The following DLG2 variants were observed in gnomAD, a reference collection of about 807,000 sequenced individuals.
DLG2 encodes the protein disks large homolog 2.
A neutral mutation model predicts 132.5 loss-of-function variants in DLG2; 45 were observed. The ratio of observed to expected loss-of-function variants is 0.34; its 90% CI spans 0.27 to 0.44. The LOEUF is 0.44. Among genes scored for constraint, DLG2 ranks in the 20% least tolerant of loss-of-function variants. DLG2 has a pLI of 1.00. For synonymous variants in DLG2, 424 were observed against 419.6 expected (o/e 1.01, Z -0.13); for missense variants, 1,045 against 1,196.9 (o/e 0.87, Z 1.87).
intron 8 of DLG2, among the ~76,000 whole-genome samples, chr11:84,188,977 C>A (rs914048683): frequency 6.6e-6 from 1 of 152,126 alleles, no homozygotes; most frequent in East Asian, 1.9e-4. Context: ...TGCAATGAAG[C>A]CCATTAACTA....
intron 3 of DLG2, among the ~76,000 whole-genome samples, chr11:85,303,822 A>G (rs2079764529): frequency 6.6e-6 from 1 of 152,222 alleles, no homozygotes; most frequent in African/African-American, 2.4e-5. Context: ...ACAAGAGGAA[A>G]TCCAAGACCC....
At chr11:84,489,034 A>C (rs1221136835) in intron 7 of DLG2, among the ~76,000 whole-genome samples, 3 of 152,300 alleles carry the variant, frequency 2.0e-5, no homozygotes, top group African/African-American at 2.4e-5. Context: ...GAAATACTGA[A>C]TAATTTCACA....
intron 15 of DLG2, among the ~76,000 whole-genome samples, chr11:83,890,432 T>C (rs2069435712): frequency 6.6e-6 from 1 of 152,186 alleles, no homozygotes; most frequent in African/African-American, 2.4e-5. Context: ...TCATTTTCCT[T>C]GTTTTGATTT....
intron 19 of DLG2, among the ~76,000 whole-genome samples, chr11:83,628,448 T>A (rs2062994349): frequency 1.3e-5 from 2 of 152,160 alleles, no homozygotes; most frequent in South Asian, 4.1e-4. Context: ...ACAAATAGGA[T>A]CTGAATGTCC....
chr11:84,305,711 A>G (rs1311363418), intron 7 of DLG2, among the ~76,000 whole-genome samples: 1 of 152,026 alleles, frequency 6.6e-6, no homozygotes, highest in African/African-American at 2.4e-5. Context: ...CTATCCTTTG[A>G]TAGGTAATGA....
chr11:84,184,508 C>G (rs988757789), intron 8 of DLG2, among the ~76,000 whole-genome samples: 26 of 151,416 alleles, frequency 1.7e-4, no homozygotes, highest in South Asian at 8.3e-4. Context: ...AATTTTCTCC[C>G]ATTCTGTAGG....
rs536156499 is a variant in DLG2 at position 83,987,725 on chromosome 11, A to G, written c.920-7083T>C. ...GATGGATTAAAGACTTAAACGTTAGACCTAAAACCATAAAAACCCTAGAAG... is the reference window on the plus strand; with the variant it reads ...GATGGATTAAAGACTTAAACGTTAGGCCTAAAACCATAAAAACCCTAGAAG... On this transcript the variant is annotated intron_variant, in intron 11 of 27. Transcript: ENST00000376104. Among the ~76,000 whole-genome samples the G allele has an allele frequency of 7.9e-5, 12 of 152,258 alleles. No homozygotes were observed. In the East Asian group the frequency reaches 2.3e-3, roughly 29 times the overall value.
intron 18 of DLG2, among the ~76,000 whole-genome samples, chr11:83,667,638 T>G (rs1417775793): frequency 1.3e-5 from 2 of 152,168 alleles, no homozygotes; most frequent in Non-Finnish European, 2.9e-5. Flanking sequence ...CAGAGGTGGC[T>G]AACTTCCTTC....
chr11:84,079,284 T>A (rs908914768), intron 10 of DLG2, among the ~76,000 whole-genome samples: 6 of 151,762 alleles, frequency 4.0e-5, no homozygotes, highest in African/African-American at 1.4e-4. Flanking sequence ...GTTTGTTTTT[T>A]TTTTTGTTTT....
chr11:84,347,436 G>T (rs1179377793), intron 7 of DLG2, among the ~76,000 whole-genome samples: 4 of 152,170 alleles, frequency 2.6e-5, no homozygotes. Context: ...TTACCCTCTA[G>T]AGGGAAATGA....
intron 6 of DLG2, among the ~76,000 whole-genome samples, chr11:84,934,515 G>GGTTGTTTTTTTTT (rs1566441569): frequency 2.5e-5 from 1 of 40,510 alleles, no homozygotes; most frequent in East Asian, 1.2e-3. Flanking sequence ...TTTTTTTTTT[G>GGTTGTTTTTTTTT]TTTTGTTTTG....
intron 7 of DLG2, among the ~76,000 whole-genome samples, chr11:84,439,646 C>T (rs368906985): frequency 6.6e-6 from 1 of 152,184 alleles, no homozygotes; most frequent in African/African-American, 2.4e-5. Context: ...ATGGTAACTC[C>T]TGCTTAGTTT....
At chr11:85,337,768 C>G (rs1260411325) in intron 3 of DLG2, among the ~76,000 whole-genome samples, 1 of 152,188 alleles carries the variant, frequency 6.6e-6, no homozygotes, top group Non-Finnish European at 1.5e-5. Flanking sequence ...TTCACAATGA[C>G]AAAACTGCCT....
intron 5 of DLG2, among the ~76,000 whole-genome samples, chr11:85,119,916 C>T (rs1377510494): frequency 6.6e-6 from 1 of 151,952 alleles, no homozygotes; most frequent in African/African-American, 2.4e-5. Flanking sequence ...TAACAATTAC[C>T]ATATTTCCAA....
At chr11:83,652,382 T>C (rs1261565188) in intron 18 of DLG2, among the ~76,000 whole-genome samples, 3 of 152,198 alleles carry the variant, frequency 2.0e-5, no homozygotes, top group African/African-American at 7.2e-5. Context: ...TTTGTTTTTG[T>C]GTTTTTGAGA....
chr11:85,472,448 C>T lies in DLG2; in HGVS notation c.40+126209G>A, dbSNP rs570219388. On this transcript the variant is annotated intron_variant, in intron 3 of 27. Transcript: ENST00000376104. The stretch of plus-strand genomic sequence containing the variant: ...TCCCGAGTAGCTGGGACTACAGGCA[C>T]ACCACCAAGCCCAGCTAATTTTTGT... Among the ~76,000 whole-genome samples, 46 of 152,230 alleles carry T rather than the reference C, an allele frequency of 3.0e-4. 1 individual carries two copies. The South Asian group carries it at 9.3e-3, about 31-fold the overall frequency.
chr11:84,088,196 T>G (rs1049482300), intron 10 of DLG2, among the ~76,000 whole-genome samples: 2 of 152,208 alleles, frequency 1.3e-5, no homozygotes, highest in African/African-American at 4.8e-5. Context: ...AAGAAACCAC[T>G]TCCTAAACCA....
chr11:84,213,818 C>CAAAAAAAAAAAAA (rs35761640), intron 8 of DLG2, among the ~76,000 whole-genome samples: 1 of 46,554 alleles, frequency 2.1e-5, no homozygotes, highest in Non-Finnish European at 5.6e-5. Context: ...GACTCCGTCT[C>CAAAAAAAAAAAAA]AAAAAAAAAA....
rs1235740537 is a variant in DLG2 at position 83,456,567 on chromosome 11, A to G, written c.*3251T>C. The G allele has an allele frequency of 6.6e-6, 1 of 152,418 alleles. No individual in the cohort carries two copies. Among genetic ancestry groups the G allele is most frequent in the Admixed American group, 6.6e-5 (1 of 15,262 alleles). 9.4% of individuals were successfully genotyped at this position (152,418 alleles called of 1,614,324 possible). A position where few individuals can be genotyped will look rare whatever the true frequency, so the allele number is the denominator to read the frequency against. ...AACAGAGACTAAAGGAGAGGTGGAC[A>G]AAAAGAGAAAGGGAATAGAGAAGGA... is the stretch of plus-strand genomic sequence containing the variant. On this transcript the variant is annotated 3_prime_UTR_variant, in exon 28 of 28. Coordinates refer to ENST00000376104, the MANE Select transcript of DLG2 (RefSeq NM_001142699.3).
Sources: allele counts gnomAD v4.1 joint callset (sites outside exome capture counted in the v4.1 genomes callset), GRCh38; gene constraint gnomAD v4.1.1; transcripts MANE v1.5; gene names NCBI Gene and HGNC (gene_info 2026-07-23, HGNC 2026-07-21).